Variants in PALB2 observed in about 807,000 individuals in gnomAD.
PALB2 encodes the protein partner and localizer of BRCA2.
Under a neutral mutation model 107.4 loss-of-function variants are expected in PALB2, and 82 were observed. The observed-to-expected ratio is 0.76, with a 90% CI of 0.64 to 0.92. The LOEUF is 0.92. PALB2 is among the 40% of genes least tolerant of loss of function. The probability of loss-of-function intolerance (pLI) is 0.00; values close to 1 mark genes in which losing one functional copy is unlikely to be tolerated. For missense variants in PALB2, 1,374 were observed against 1,379.9 expected, an observed-to-expected ratio of 1.00 and a Z score of 0.07; for synonymous variants, 489 against 496.8, an observed-to-expected ratio of 0.98 and a Z score of 0.21.
At position 23,623,023 on chromosome 16, in the gene PALB2, C is replaced by T. The variant is rs1597081224; in HGVS notation, c.2942G>A (p.Ser981Asn). Residue 981 changes from serine to asparagine, a missense_variant, in exon 9 of 13, where the codon AGT becomes AAT. Physicochemically the swap from Ser to Asn is conservative, Grantham distance 46. Coordinates refer to ENST00000261584, the MANE Select transcript of PALB2 (RefSeq NM_024675.4). ...TACTTGTTGATCAGAAAGGGTCCCA[C>T]TGCTACTAACTAGCCTCCTCTTTGT... ...GLTKRRLVSS[S>N]GTLSDQQVEV... The T allele has an allele frequency of 6.2e-7, 1 of 1,614,182 alleles. No individual in the cohort carries two copies. The highest frequency in any genetic ancestry group is 2.2e-5 in the East Asian group (1 of 44,888).
At chr16:23,612,842 T>A (rs1216166642) in intron 11 of PALB2, among the ~76,000 whole-genome samples, 2 of 152,152 alleles carry the variant, frequency 1.3e-5, no homozygotes, top group African/African-American at 2.4e-5. Flanking sequence ...AACCTCCGCC[T>A]CCTGGGTTCA....
chr16:23,626,533 A>T lies in PALB2; in HGVS notation c.2587-136T>A, dbSNP rs1597085593. ...ATTTAAGTCTTATGCAGGTGAAAAGAAAGAGCTTTGTGGTTCTTATGTACC... is the reference window on the plus strand; with the variant it reads ...ATTTAAGTCTTATGCAGGTGAAAAGTAAGAGCTTTGTGGTTCTTATGTACC... On this transcript the variant is annotated intron_variant, in intron 6 of 12. Transcript: ENST00000261584. The T allele has an allele frequency of 5.1e-6, 5 of 988,006 alleles. No homozygotes were observed. The East Asian group carries it at 1.2e-4, about 24-fold the overall frequency. The allele number at this position is 988,006 out of a possible 1,614,324, so 61.2% of individuals were successfully genotyped here.
At chr16:23,632,374 G>A (rs565310406) in intron 4 of PALB2, among the ~76,000 whole-genome samples, 1 of 152,268 alleles carries the variant, frequency 6.6e-6, no homozygotes, top group Non-Finnish European at 1.5e-5. Context: ...AACCTGGGAG[G>A]CAGAGGTTGC....
In PALB2 at chr16:23,636,135, A is replaced by G; in HGVS notation, c.411T>C (p.Gly137=). Residue 137 remains glycine, a synonymous_variant, in exon 4 of 13, where the codon GGT becomes GGC. Transcript: ENST00000261584. The part of the protein sequence containing the change: ...HFPHRVSDPS[G]EQKQKLPSRR... ...TGCTTGGCAGCTTCTGCTTTTGCTC[A>G]CCACTAGGGTCACTGACCCTGTGGG... The G allele has an allele frequency of 6.2e-7, 1 of 1,612,218 alleles. No homozygotes were observed. The highest frequency in any genetic ancestry group is 8.5e-7 in the Non-Finnish European group (1 of 1,179,322).
intron 11 of PALB2, among the ~76,000 whole-genome samples, chr16:23,613,516 C>T (rs561085277): frequency 1.3e-5 from 2 of 152,080 alleles, no homozygotes; most frequent in South Asian, 2.1e-4. Context: ...TGGTGGCGGG[C>T]ACCTGTAATC....
At chr16:23,632,470 G>A (rs1204301785) in intron 4 of PALB2, among the ~76,000 whole-genome samples, 2 of 152,016 alleles carry the variant, frequency 1.3e-5, no homozygotes, top group African/African-American at 2.4e-5. Context: ...ATTATGCTGA[G>A]CAGCCAGACA....
Position 23,635,413 on chromosome 16 carries a change from G to A in PALB2, c.1133C>T (p.Pro378Leu), listed in dbSNP as rs1442895662. The A allele has an allele frequency of 6.2e-7, 1 of 1,613,910 alleles. No homozygotes were observed. The highest frequency in any genetic ancestry group is 8.5e-7 in the Non-Finnish European group (1 of 1,179,880). Residue 378 changes from proline (P) to leucine (L), a missense_variant, in exon 4 of 13, where the codon CCT (proline) becomes CTT (leucine). Coordinates refer to ENST00000261584, the MANE Select transcript of PALB2 (RefSeq NM_024675.4). ...NLQESEILSQ[P>L]KSLSLEATSP... Reference sequence around the variant, plus strand: ...GGTTGCTTCCAGGCTAAGACTCTTAGGTTGACTTAGAATCTCACTTTCCTG... The same window carrying A: ...GGTTGCTTCCAGGCTAAGACTCTTAAGTTGACTTAGAATCTCACTTTCCTG...
chr16:23,623,789 G>A (rs912506292), intron 8 of PALB2: 20 of 522,184 alleles, frequency 3.8e-5, no homozygotes, highest in Admixed American at 1.3e-4. Context: ...AAAGTGCTGG[G>A]ATTACAGGCG....
Position 23,623,991 on chromosome 16 carries a change from T to C in PALB2, c.2834+18A>G, listed in dbSNP as rs114491776. ...CAAAGATGAAGGAAAAACAAATCAC[T>C]CCTTGGGAATTACATACCTGATCTC... is the stretch of plus-strand genomic sequence containing the variant. On this transcript the variant is annotated intron_variant, in intron 8 of 12. Transcript: ENST00000261584. 2 of 1,531,464 alleles carry C rather than the reference T, an allele frequency of 1.3e-6. No individual in the cohort carries two copies. Among genetic ancestry groups the C allele is most frequent in the East Asian group, 4.5e-5 (2 of 44,364 alleles). 94.9% of individuals were successfully genotyped at this position (1,531,464 alleles called of 1,614,324 possible). A position where few individuals can be genotyped will look rare whatever the true frequency, so the allele number is the denominator to read the frequency against.
chr16:23,636,464 C>T lies in PALB2; in HGVS notation c.212-130G>A, dbSNP rs1218426554. 4.3e-6 allele frequency: 3 copies of T among 700,220 alleles called. No homozygotes were observed. In the Admixed American group the frequency reaches 9.2e-5, roughly 21 times the overall value. 43.4% of individuals were successfully genotyped at this position (700,220 alleles called of 1,614,324 possible). ...AAGAAAGAATCAGTGACATTTCATTCAGGCAGATGAATTTACAGGTGAAAT... is the reference window on the plus strand; with the variant it reads ...AAGAAAGAATCAGTGACATTTCATTTAGGCAGATGAATTTACAGGTGAAAT... On this transcript the variant is annotated intron_variant, in intron 3 of 12. Transcript: ENST00000261584.
In PALB2 at chr16:23,603,682, AAAG is replaced by A; in HGVS notation, c.3351-16_3351-14del. ...ACCTTCCAGGAACCTGATAGCATACAAAGAAGATATAATTCAGATTACATATCC... is the reference window on the plus strand; with the variant it reads ...ACCTTCCAGGAACCTGATAGCATACAAAGATATAATTCAGATTACATATCC... On this transcript the variant is annotated splice_polypyrimidine_tract_variant and intron_variant, in intron 12 of 12. Coordinates refer to ENST00000261584, the MANE Select transcript of PALB2 (RefSeq NM_024675.4). 6.2e-7 allele frequency: 1 copy of A among 1,611,646 alleles called. No homozygotes were observed. Among genetic ancestry groups the A allele is most frequent in the Non-Finnish European group, 8.5e-7 (1 of 1,177,950 alleles).
intron 12 of PALB2, among the ~76,000 whole-genome samples, chr16:23,606,672 C>T (rs1415029197): frequency 1.3e-5 from 2 of 151,768 alleles, no homozygotes; most frequent in Middle Eastern, 3.5e-3. Context: ...ATTACAGGCA[C>T]GCACTACCAT....
At chr16:23,626,458 A>G (rs2142357476) in intron 6 of PALB2, 61 bp from the exon 7 acceptor site, 1 of 1,561,478 alleles carries the variant, frequency 6.4e-7, no homozygotes, top group Non-Finnish European at 8.8e-7. Flanking sequence ...TGCAAAGCAT[A>G]AGTATGCAAA....
At chr16:23,613,839 A>T (rs894778320) in intron 11 of PALB2, among the ~76,000 whole-genome samples, 165 bp downstream of exon 11, 8 of 152,150 alleles carry the variant, frequency 5.3e-5, no homozygotes, top group Non-Finnish European at 1.0e-4. Context: ...TCACTGTACC[A>T]ACACTTATTT....
At position 23,638,185 on chromosome 16, in the gene PALB2, G is replaced by C. The variant is rs1967114906; in HGVS notation, c.49-56C>G. 3 of 1,442,100 alleles carry C rather than the reference G, an allele frequency of 2.1e-6. No individual in the cohort carries two copies. The Admixed American group carries it at 5.0e-5, about 24-fold the overall frequency. 89.3% of individuals were successfully genotyped at this position (1,442,100 alleles called of 1,614,324 possible). A position where few individuals can be genotyped will look rare whatever the true frequency, so the allele number is the denominator to read the frequency against. On this transcript the variant is annotated intron_variant, in intron 1 of 12. Transcript: ENST00000261584. The stretch of plus-strand genomic sequence containing the variant: ...GCAAGTGGAAAGGTGGAGTCAGAGG[G>C]AAGGGATGCAGTGCTTGGCGGGGTC...
rs749461008 is a variant in PALB2, at chr16:23,635,305, C to T, written c.1241G>A (p.Arg414Gln). 5.6e-6 allele frequency: 9 copies of T among 1,614,114 alleles called. No homozygotes were observed. The highest frequency in any genetic ancestry group is 1.6e-4 in the Middle Eastern group (1 of 6,062). The change falls in exon 4 of 13, where the codon CGA (arginine) becomes CAA (glutamine). Residue 414 changes from arginine to glutamine, a missense_variant. Transcript: ENST00000261584. ...TTTCCTCTGGCAATTGGACATGCTT[C>T]GTGTTGTTCTAACATAATATTCTGC... ...FPAEYYVRTT[R>Q]SMSNCQRKVA...
In PALB2 at chr16:23,630,066, C is replaced by T. The variant is rs747270311; in HGVS notation, c.2088G>A (p.Thr696=). 6 of 1,614,076 alleles carry T rather than the reference C, an allele frequency of 3.7e-6. No homozygotes were observed. Among genetic ancestry groups the T allele is most frequent in the East Asian group, 2.2e-5 (1 of 44,884 alleles). The part of the protein sequence containing the change: ...RPNSQSQHTK[T]GLSSSILLYT... ...AAAGTAATATGGATGAAGAAAGGCC[C>T]GTCTTTGTATGCTGGCTTTGCGAGT... The change falls in exon 5 of 13, where the codon ACG becomes ACA. Residue 696 remains threonine (T), a synonymous_variant. Coordinates refer to ENST00000261584, the MANE Select transcript of PALB2 (RefSeq NM_024675.4).
chr16:23,608,801 T>TATATATATATACACACACACAC (rs560756242), intron 11 of PALB2, among the ~76,000 whole-genome samples: 1 of 143,762 alleles, frequency 7.0e-6, no homozygotes, highest in African/African-American at 2.6e-5. Context: ...TGTATATATA[T>TATATATATATACACACACACAC]ACACACACAC....
At chr16:23,620,782 C>A (rs961763976) in intron 10 of PALB2, among the ~76,000 whole-genome samples, 13 of 152,080 alleles carry the variant, frequency 8.5e-5, no homozygotes, top group Admixed American at 6.6e-4. Context: ...GACAAAAAAA[C>A]CACAATCAGG....
Sources: allele counts gnomAD v4.1 joint callset (sites outside exome capture counted in the v4.1 genomes callset), GRCh38; gene constraint gnomAD v4.1.1; transcripts MANE v1.5; gene names NCBI Gene and HGNC (gene_info 2026-07-23, HGNC 2026-07-21).